DLG2: variants seen among roughly 807,000 people sequenced by gnomAD.
The protein encoded by DLG2 is discs large MAGUK scaffold protein 2.
DLG2 carries 45 observed loss-of-function variants against 132.5 expected under a neutral mutation model. The ratio of observed to expected loss-of-function variants is 0.34; its 90% CI spans 0.27 to 0.44. DLG2 has a LOEUF of 0.44. Among genes scored for constraint, DLG2 ranks in the 20% least tolerant of loss-of-function variants. The probability of loss-of-function intolerance (pLI) is 1.00; values close to 1 mark genes in which losing one functional copy is unlikely to be tolerated. For missense variants in DLG2, 1,045 were observed against 1,196.9 expected (o/e 0.87, Z 1.87); for synonymous variants, 424 against 419.6 (o/e 1.01, Z -0.13).
intron 6 of DLG2, among the ~76,000 whole-genome samples, chr11:84,716,337 A>C (rs1246536307): frequency 6.6e-6 from 1 of 152,102 alleles, no homozygotes; most frequent in East Asian, 1.9e-4. Flanking sequence ...TAATTTATAA[A>C]GTATTTTTAG....
chr11:83,861,112 T>G lies in DLG2; in HGVS notation c.1565+13308A>C, dbSNP rs1595575674. 2.0e-5 allele frequency among the ~76,000 whole-genome samples: 3 copies of G among 152,140 alleles called. No individual in the cohort carries two copies. In the East Asian group the frequency reaches 5.8e-4, roughly 29 times the overall value. On this transcript the variant is annotated intron_variant, in intron 16 of 27. Transcript: ENST00000376104. ...CCATGAATTAACAATGAAATCGGTA[T>G]CAGGTATATGAAAAGGTGCTTAACA... is the stretch of plus-strand genomic sequence containing the variant.
chr11:83,505,972 C>T (rs2094677984), intron 21 of DLG2, among the ~76,000 whole-genome samples: 1 of 152,190 alleles, frequency 6.6e-6, no homozygotes, highest in Admixed American at 6.5e-5. Flanking sequence ...ATTTGAGCCA[C>T]TTCATCATGT....
intron 13 of DLG2, among the ~76,000 whole-genome samples, chr11:83,963,231 T>C (rs2089319410): frequency 6.6e-6 from 1 of 151,966 alleles, no homozygotes; most frequent in African/African-American, 2.4e-5. Context: ...GACTTAATAA[T>C]AGTTAAGTCT....
intron 6 of DLG2, among the ~76,000 whole-genome samples, chr11:84,652,558 T>G (rs943560246): frequency 6.6e-6 from 1 of 152,170 alleles, no homozygotes; most frequent in Non-Finnish European, 1.5e-5. Context: ...AAAGATTTTT[T>G]TCAATAGCTT....
chr11:84,712,426 AT>A (rs1377573533), intron 6 of DLG2, among the ~76,000 whole-genome samples: 1 of 151,864 alleles, frequency 6.6e-6, no homozygotes, highest in African/African-American at 2.4e-5. Context: ...TCCTTAGCTC[AT>A]TTTTCATTTT....
At chr11:83,983,151 ACT>A (rs1467711300) in intron 11 of DLG2, among the ~76,000 whole-genome samples, 2 of 151,968 alleles carry the variant, frequency 1.3e-5, no homozygotes, top group African/African-American at 2.4e-5. Flanking sequence ...TAATTAATAG[ACT>A]CTTTAAACGT....
intron 18 of DLG2, among the ~76,000 whole-genome samples, chr11:83,775,598 A>G (rs1343041097): frequency 1.3e-5 from 2 of 152,200 alleles, no homozygotes; most frequent in Non-Finnish European, 2.9e-5. Context: ...CTCTTCTTGT[A>G]ACCATGTCCC....
At chr11:85,588,244 G>A (rs1450032073) in intron 3 of DLG2, among the ~76,000 whole-genome samples, 2 of 152,130 alleles carry the variant, frequency 1.3e-5, no homozygotes, top group Admixed American at 1.3e-4. Context: ...TGGATGTTTA[G>A]TTCTCTGGTG....
intron 5 of DLG2, among the ~76,000 whole-genome samples, chr11:85,144,304 C>T (rs545832288): frequency 6.4e-4 from 95 of 148,578 alleles, no homozygotes; most frequent in African/African-American, 2.1e-3. Context: ...CCTTTAATTT[C>T]ACTCTATAGG....
intron 24 of DLG2, among the ~76,000 whole-genome samples, chr11:83,471,174 A>G (rs920818406): frequency 6.6e-6 from 1 of 152,142 alleles, no homozygotes; most frequent in Non-Finnish European, 1.5e-5. Context: ...GGGACTGTCA[A>G]CATGGGAAAG....
chr11:84,366,542 T>G (rs1395825553), intron 7 of DLG2, among the ~76,000 whole-genome samples: 1 of 152,044 alleles, frequency 6.6e-6, no homozygotes. Context: ...TCAAGACCCA[T>G]CAGTGTGTTG....
intron 4 of DLG2, among the ~76,000 whole-genome samples, chr11:85,194,589 C>T (rs868081672): frequency 2.0e-5 from 3 of 151,618 alleles, no homozygotes; most frequent in African/African-American, 7.3e-5. Context: ...AAACATTTTC[C>T]GCACTCCCCT....
chr11:84,918,973 C>A (rs2092628651), intron 6 of DLG2, among the ~76,000 whole-genome samples: 1 of 152,102 alleles, frequency 6.6e-6, no homozygotes, highest in African/African-American at 2.4e-5. Context: ...AACAAAACAA[C>A]TAGAACTCCA....
At chr11:84,642,845 T>C (rs575981582) in intron 6 of DLG2, among the ~76,000 whole-genome samples, 14 of 152,212 alleles carry the variant, frequency 9.2e-5, no homozygotes, top group Non-Finnish European at 1.8e-4. Flanking sequence ...AAAGACAAAG[T>C]CTTTTATTTT....
At chr11:83,880,387 T>A (rs925301265) in intron 15 of DLG2, among the ~76,000 whole-genome samples, 6 of 152,162 alleles carry the variant, frequency 3.9e-5, no homozygotes, top group African/African-American at 1.4e-4. Flanking sequence ...GAAAAGAGAA[T>A]GTATTTAATA....
chr11:83,459,200 C>T lies in DLG2; in HGVS notation c.*618G>A, dbSNP rs2089444640. 1 of 152,592 alleles carries T rather than the reference C, an allele frequency of 6.6e-6. No individual in the cohort carries two copies. The highest frequency in any genetic ancestry group is 1.5e-5 in the Non-Finnish European group (1 of 68,042). The allele number at this position is 152,592 out of a possible 1,614,324, so 9.5% of individuals were successfully genotyped here. A position where few individuals can be genotyped will look rare whatever the true frequency, so the allele number is the denominator to read the frequency against. ...TCATAAAGCTAATCCCAGGTGGAATCCCCTCCTGTCAGTGAGGTTAGTCCT... is the reference window on the plus strand; with the variant it reads ...TCATAAAGCTAATCCCAGGTGGAATTCCCTCCTGTCAGTGAGGTTAGTCCT... On this transcript the variant is annotated 3_prime_UTR_variant, in exon 28 of 28. Coordinates refer to ENST00000376104, the MANE Select transcript of DLG2 (RefSeq NM_001142699.3).
At chr11:84,940,241 C>T (rs1394099139) in intron 6 of DLG2, among the ~76,000 whole-genome samples, 2 of 152,214 alleles carry the variant, frequency 1.3e-5, no homozygotes, top group Non-Finnish European at 2.9e-5. Context: ...ACCCCCGCCT[C>T]CTGGGTTCAA....
chr11:85,196,561 T>C (rs1430079988), intron 4 of DLG2, among the ~76,000 whole-genome samples: 1 of 152,152 alleles, frequency 6.6e-6, no homozygotes, highest in African/African-American at 2.4e-5. Flanking sequence ...GTCAAAAAAG[T>C]GGGAAGTTTA....
At chr11:84,726,784 T>C (rs2062520642) in intron 6 of DLG2, among the ~76,000 whole-genome samples, 1 of 152,212 alleles carries the variant, frequency 6.6e-6, no homozygotes, top group Admixed American at 6.5e-5. Context: ...TGTTGTTTCC[T>C]GACTTTTTAA....
Sources: allele counts gnomAD v4.1 joint callset (sites outside exome capture counted in the v4.1 genomes callset), GRCh38; gene constraint gnomAD v4.1.1; transcripts MANE v1.5; gene names NCBI Gene and HGNC (gene_info 2026-07-23, HGNC 2026-07-21).